Variants in SCOC observed in about 807,000 individuals in gnomAD.
SCOC encodes the protein short coiled coil protein.
A neutral mutation model predicts 9.9 loss-of-function variants in SCOC; 7 were observed. The ratio of observed to expected loss-of-function variants is 0.71; its 90% CI spans 0.40 to 1.33. SCOC has a LOEUF of 1.33. SCOC is among the 40% of genes most tolerant of loss of function. The pLI is 0.01. For missense variants in SCOC, 66 were observed against 89.7 expected (o/e 0.74, Z 1.07); for synonymous variants, 19 against 28.2 (o/e 0.67, Z 1.03).
Position 140,381,912 on chromosome 4 carries a change from G to A in SCOC, c.*808G>A, listed in dbSNP as rs1327977729. The A allele has an allele frequency of 1.3e-5, 2 of 152,050 alleles. No homozygotes were observed. Among genetic ancestry groups the A allele is most frequent in the Admixed American group, 6.6e-5 (1 of 15,256 alleles). 9.4% of individuals were successfully genotyped at this position (152,050 alleles called of 1,614,324 possible). On this transcript the variant is annotated 3_prime_UTR_variant, in exon 4 of 4. Transcript: ENST00000608372. ...ATGGAAATAGGGTGGAAAAGTACTCGGTAAACAGTAGTAACCAAATATTTT... is the reference window on the plus strand; with the variant it reads ...ATGGAAATAGGGTGGAAAAGTACTCAGTAAACAGTAGTAACCAAATATTTT...
chr4:140,373,751 C>T, intron 1 of SCOC, 34 bp downstream of exon 1: 1 of 1,533,230 alleles, frequency 6.5e-7, no homozygotes, highest in Non-Finnish European at 8.8e-7. Flanking sequence ...AGGGCCTGGC[C>T]CCAGGCGACT....
intron 1 of SCOC, among the ~76,000 whole-genome samples, chr4:140,326,904 G>A (rs150696241): frequency 4.2e-4 from 64 of 152,274 alleles, no homozygotes; most frequent in Non-Finnish European, 7.5e-4. Flanking sequence ...CCTGAGGCCT[G>A]TGGTCTAGTC....
intron 2 of SCOC, among the ~76,000 whole-genome samples, chr4:140,357,366 C>A (rs1727276928): frequency 6.6e-6 from 1 of 152,180 alleles, no homozygotes; most frequent in Admixed American, 6.5e-5. Context: ...CACTTCATTT[C>A]TTCTCCAGTA....
intron 1 of SCOC, among the ~76,000 whole-genome samples, chr4:140,321,483 T>C (rs957714546): frequency 4.6e-5 from 7 of 151,966 alleles, no homozygotes; most frequent in African/African-American, 1.5e-4. Flanking sequence ...AACAGAGAGA[T>C]AGAAACAACA....
upstream of SCOC, among the ~76,000 whole-genome samples, chr4:140,370,240 T>A (rs1331309537): frequency 6.6e-6 from 1 of 152,178 alleles, no homozygotes; most frequent in Non-Finnish European, 1.5e-5. Flanking sequence ...ACTGTTTCAA[T>A]TATTTTAAAT....
At chr4:140,305,007 A>G (rs1468383455) in intron 1 of SCOC, among the ~76,000 whole-genome samples, 1 of 152,162 alleles carries the variant, frequency 6.6e-6, no homozygotes, top group East Asian at 1.9e-4. Context: ...GGCACCATTC[A>G]CCATAAATAA....
At chr4:140,266,852 A>C (rs1220601580) in intron 1 of SCOC, among the ~76,000 whole-genome samples, 2 of 152,190 alleles carry the variant, frequency 1.3e-5, no homozygotes, top group South Asian at 2.1e-4. Flanking sequence ...GGGAGAGAGG[A>C]AATCTTTGAG....
At chr4:140,275,816 G>GTTTTTTT (rs199643449) in intron 1 of SCOC, among the ~76,000 whole-genome samples, 2 of 133,464 alleles carry the variant, frequency 1.5e-5, no homozygotes, top group African/African-American at 6.4e-5. Context: ...ACTCGCTCAG[G>GTTTTTTT]TTTGTTTTTT....
At chr4:140,328,871 G>T (rs1176739690) in intron 1 of SCOC, among the ~76,000 whole-genome samples, 2 of 152,072 alleles carry the variant, frequency 1.3e-5, no homozygotes, top group Non-Finnish European at 2.9e-5. Context: ...TATAATCACA[G>T]GAAATCTGTA....
chr4:140,288,292 A>G (rs961976757), intron 1 of SCOC, among the ~76,000 whole-genome samples: 5 of 152,042 alleles, frequency 3.3e-5, no homozygotes, highest in Admixed American at 6.5e-5. Flanking sequence ...TCATATAAAT[A>G]CATACCTCCT....
intron 1 of SCOC, among the ~76,000 whole-genome samples, chr4:140,308,264 A>G (rs1309528508): frequency 1.3e-5 from 2 of 152,104 alleles, no homozygotes; most frequent in East Asian, 3.9e-4. Context: ...CTACCTCAAA[A>G]CCTTCCAAGT....
chr4:140,296,857 G>A (rs1170222386), intron 1 of SCOC, among the ~76,000 whole-genome samples: 1 of 152,080 alleles, frequency 6.6e-6, no homozygotes, highest in African/African-American at 2.4e-5. Context: ...GTATCTTTCT[G>A]TGGCTGCTGA....
At chr4:140,348,365 C>A (rs1323737222) in intron 2 of SCOC, among the ~76,000 whole-genome samples, 1 of 152,100 alleles carries the variant, frequency 6.6e-6, no homozygotes, top group African/African-American at 2.4e-5. Flanking sequence ...TCTATGAGTT[C>A]CACTTTTTTA....
chr4:140,326,158 A>G (rs553230622), intron 1 of SCOC, among the ~76,000 whole-genome samples: 4 of 152,332 alleles, frequency 2.6e-5, no homozygotes, highest in African/African-American at 9.6e-5. Flanking sequence ...TCAGTGGTTC[A>G]GTGGTTAGCA....
intron 2 of SCOC, among the ~76,000 whole-genome samples, chr4:140,364,485 A>G (rs1727702837): frequency 6.6e-6 from 1 of 152,174 alleles, no homozygotes; most frequent in African/African-American, 2.4e-5. Context: ...AAAAAAATCC[A>G]CAAAGGACAT....
At chr4:140,303,407 T>A (rs1180734155) in intron 1 of SCOC, among the ~76,000 whole-genome samples, 1 of 152,190 alleles carries the variant, frequency 6.6e-6, no homozygotes, top group African/African-American at 2.4e-5. Context: ...AAATGGGACC[T>A]CAGGCCCTGT....
At chr4:140,289,371 A>C (rs1731401315) in intron 1 of SCOC, among the ~76,000 whole-genome samples, 2 of 152,172 alleles carry the variant, frequency 1.3e-5, no homozygotes, top group Admixed American at 1.3e-4. Context: ...TCGGGATTTC[A>C]AGGCTGGCTG....
intron 2 of SCOC, among the ~76,000 whole-genome samples, chr4:140,362,077 C>T (rs947846107): frequency 1.6e-5 from 2 of 122,516 alleles, no homozygotes; most frequent in Admixed American, 1.6e-4. Context: ...CAGACACAGC[C>T]CCTATCCCTT....
At chr4:140,304,816 C>A (rs1049603581) in intron 1 of SCOC, among the ~76,000 whole-genome samples, 3 of 152,298 alleles carry the variant, frequency 2.0e-5, no homozygotes, top group African/African-American at 7.2e-5. Context: ...ACCAACAAAC[C>A]TAACGCTGCC....
Sources: allele counts gnomAD v4.1 joint callset (sites outside exome capture counted in the v4.1 genomes callset), GRCh38; gene constraint gnomAD v4.1.1; transcripts MANE v1.5; gene names NCBI Gene and HGNC (gene_info 2026-07-23, HGNC 2026-07-21).